TMEM200C: variants seen among roughly 807,000 people sequenced by gnomAD.
TMEM200C encodes the protein transmembrane protein TTMA.
For missense variants in TMEM200C, 966 were observed against 699.9 expected (o/e 1.38, Z -4.29); for synonymous variants, 462 against 324.7 (o/e 1.42, Z -4.55).
At chr18:5,888,892 A>T (rs1321974638) in exon 3 of TMEM200C, 1 of 152,202 alleles carries the variant, frequency 6.6e-6, no homozygotes, top group East Asian at 1.9e-4. Context: ...CAGCTAGGAG[A>T]TGCCAACAGC....
exon 3 of TMEM200C, chr18:5,889,451 T>C (rs895347702): frequency 1.3e-5 from 2 of 152,186 alleles, no homozygotes; most frequent in Non-Finnish European, 2.9e-5. Flanking sequence ...TTAAAAAAGA[T>C]TTTAAATATT....
At chr18:5,892,076 G>A (rs1242951639) in exon 3 of TMEM200C, 9 of 1,608,162 alleles carry the variant, frequency 5.6e-6, no homozygotes, top group Non-Finnish European at 5.9e-6. Context: ...CGAGCTCCTG[G>A]AGTGCAGGAC....
At chr18:5,890,275 T>C in exon 3 of TMEM200C, 3 of 1,597,502 alleles carry the variant, frequency 1.9e-6, no homozygotes, top group Non-Finnish European at 2.6e-6. Context: ...TTCTCCTTGT[T>C]TGTAAACTGC....
rs926558208 is a variant in TMEM200C at position 5,891,287 on chromosome 18, C to A, written c.777G>T (p.Leu259=). 9.5e-5 allele frequency: 134 copies of A among 1,414,684 alleles called. No individual in the cohort carries two copies. The highest frequency in any genetic ancestry group is 1.2e-4 in the Non-Finnish European group (132 of 1,079,392). The allele number at this position is 1,414,684 out of a possible 1,614,324, so 87.6% of individuals were successfully genotyped here. Residue 259 remains leucine (L), a synonymous_variant, in exon 3 of 3, where the codon CTG becomes CTT. Coordinates refer to ENST00000581347, the Ensembl canonical transcript of TMEM200C. The surrounding 1 kb of genome is among the most constrained non-coding windows in gnomAD (Gnocchi z 4.7). ...CACCGCAGCCCCCGGGCTTCAGCTC[C>A]AGGCCCCGCGACTGCACGTAGCTGA...
exon 3 of TMEM200C, chr18:5,888,523 G>T (rs764818940): frequency 2.0e-5 from 3 of 152,206 alleles, no homozygotes; most frequent in African/African-American, 7.2e-5. Flanking sequence ...GAAGATCATA[G>T]AGATTATATC....
At chr18:5,890,511 G>T (rs1159097249) in exon 3 of TMEM200C, 7 of 1,527,582 alleles carry the variant, frequency 4.6e-6, no homozygotes, top group South Asian at 1.3e-5. Context: ...GTCCCGCCTG[G>T]TGGGGGGCGA....
At chr18:5,895,887 G>A (rs1416934770) in exon 1 of TMEM200C, 1 of 151,998 alleles carries the variant, frequency 6.6e-6, no homozygotes, top group East Asian at 2.0e-4. Context: ...AGGCCCCAAA[G>A]AGAGGCCCGG....
exon 3 of TMEM200C, chr18:5,883,677 T>C (rs1050580686): frequency 6.6e-6 from 1 of 152,150 alleles, no homozygotes; most frequent in African/African-American, 2.4e-5. Flanking sequence ...TAGAAATATA[T>C]TCAGTTATCA....
chr18:5,890,261 G>A (rs766368798), exon 3 of TMEM200C: 4 of 1,591,634 alleles, frequency 2.5e-6, no homozygotes, highest in Non-Finnish European at 3.4e-6. Flanking sequence ...AAATCATGAT[G>A]AGTTTCTCCT....
chr18:5,882,770 T>C (rs1274842983), exon 3 of TMEM200C: 1 of 152,130 alleles, frequency 6.6e-6, no homozygotes, highest in African/African-American at 2.4e-5. Context: ...CAAGCAAGAT[T>C]AATAAATCAA....
chr18:5,882,080 G>A (rs1051079112), exon 3 of TMEM200C: 5 of 152,124 alleles, frequency 3.3e-5, no homozygotes, highest in African/African-American at 9.7e-5. Context: ...CCACCATTGC[G>A]TAAACCAGTT....
chr18:5,891,188 G>A lies in TMEM200C; in HGVS notation c.876C>T (p.Ser292=). The A allele has an allele frequency of 2.3e-6, 2 of 885,230 alleles. No individual in the cohort carries two copies. The highest frequency in any genetic ancestry group is 1.5e-6 in the Non-Finnish European group (1 of 669,406). 54.8% of individuals were successfully genotyped at this position (885,230 alleles called of 1,614,324 possible). Reference sequence around the variant, plus strand: ...ACGCGGCGCCCCGAGGGCGGCCGCCGCTCGGCGCCGCGGGGTGAGGAGGCC... The same window carrying A: ...ACGCGGCGCCCCGAGGGCGGCCGCCACTCGGCGCCGCGGGGTGAGGAGGCC... The change falls in exon 3 of 3, where the codon AGC becomes AGT. Residue 292 remains serine (S), a synonymous_variant. Transcript: ENST00000581347. This position sits in a 1 kb window ranked among gnomAD's most constrained non-coding sequence, Gnocchi z 4.7.
exon 3 of TMEM200C, chr18:5,889,226 T>A (rs1012795499): frequency 6.6e-6 from 1 of 152,192 alleles, no homozygotes; most frequent in Non-Finnish European, 1.5e-5. Context: ...TTTCATTCTA[T>A]TTGAAAGAGA....
chr18:5,893,714 A>G (rs1453824652), intron 2 of TMEM200C, among the ~76,000 whole-genome samples: 15 of 152,200 alleles, frequency 9.9e-5, no homozygotes, highest in Non-Finnish European at 1.9e-4. Flanking sequence ...CCTCCATTAT[A>G]TCAATATAGG....
intron 1 of TMEM200C, chr18:5,895,735 C>G (rs2095175653): frequency 6.6e-6 from 1 of 150,682 alleles, no homozygotes; most frequent in African/African-American, 2.4e-5. Context: ...GCACGGGGCG[C>G]TCGGGCCGCG....
Position 5,891,146 on chromosome 18 carries a change from G to A in TMEM200C, c.918C>T (p.Ala306=), listed in dbSNP as rs1351982848. The change falls in exon 3 of 3, where the codon GCC becomes GCT. Residue 306 remains alanine, a synonymous_variant. Transcript: ENST00000581347. This position sits in a 1 kb window ranked among gnomAD's most constrained non-coding sequence, Gnocchi z 4.7. Reference sequence around the variant, plus strand: ...GCTCCCGCGGACAGCGCGGGGAAGAGGCCAGGTCCGGCGGGGACGCGGCGC... The same window carrying A: ...GCTCCCGCGGACAGCGCGGGGAAGAAGCCAGGTCCGGCGGGGACGCGGCGC... 5 of 496,934 alleles carry A rather than the reference G, an allele frequency of 1.0e-5. No individual in the cohort carries two copies. Among genetic ancestry groups the A allele is most frequent in the Non-Finnish European group, 1.3e-5 (4 of 311,432 alleles). The allele number at this position is 496,934 out of a possible 1,614,324, so 30.8% of individuals were successfully genotyped here.
rs1287027998 is a variant in TMEM200C at position 5,891,985 on chromosome 18, G to T, written c.79C>A (p.Arg27Ser). 1.9e-6 allele frequency: 3 copies of T among 1,613,846 alleles called. No homozygotes were observed. The highest frequency in any genetic ancestry group is 2.7e-5 in the African/African-American group (2 of 74,936). ...CGCCTCTTCTTGGCTTTCCGCTTGCGCTTGGGTATCTGGCTTGGGGGGCGG... is the reference window on the plus strand; with the variant it reads ...CGCCTCTTCTTGGCTTTCCGCTTGCTCTTGGGTATCTGGCTTGGGGGGCGG... The change falls in exon 3 of 3, where the codon CGC becomes AGC. Residue 27 changes from arginine (R) to serine (S), a missense_variant. Arg to Ser is a moderately radical substitution (Grantham distance 110). Transcript: ENST00000581347. The surrounding 1 kb of genome is among the most constrained non-coding windows in gnomAD (Gnocchi z 4.7).
At chr18:5,886,661 AG>A (rs1253055511) in exon 3 of TMEM200C, 2 of 152,260 alleles carry the variant, frequency 1.3e-5, no homozygotes, top group Non-Finnish European at 2.9e-5. Context: ...TTTATGTGCC[AG>A]GAGTTGTTCT....
exon 3 of TMEM200C, chr18:5,887,873 T>A (rs2095166568): frequency 6.6e-6 from 1 of 152,314 alleles, no homozygotes; most frequent in African/African-American, 2.4e-5. Context: ...TCTTTGTCTA[T>A]CTTCAGAAAA....
Sources: allele counts gnomAD v4.1 joint callset (sites outside exome capture counted in the v4.1 genomes callset), GRCh38; gene constraint gnomAD v4.1.1; non-coding constraint Gnocchi (gnomAD v3.1); transcripts MANE v1.5; gene names NCBI Gene and HGNC (gene_info 2026-07-23, HGNC 2026-07-21).